The following SORCS1 variants were observed in gnomAD, a reference collection of about 807,000 sequenced individuals.
The protein encoded by SORCS1 is sortilin related VPS10 domain containing receptor 1.
SORCS1 carries 60 observed loss-of-function variants against 146.1 expected under a neutral mutation model. That is an observed-to-expected ratio of 0.41 (90% CI 0.33 to 0.51). The LOEUF (loss-of-function observed/expected upper bound fraction) is 0.51, where lower values mean the gene tolerates loss of function less well. SORCS1 is among the 20% of genes least tolerant of loss of function. The probability of loss-of-function intolerance (pLI) is 0.21; values close to 1 mark genes in which losing one functional copy is unlikely to be tolerated. For synonymous variants in SORCS1, 637 were observed against 584.0 expected, an observed-to-expected ratio of 1.09 and a Z score of -1.31; for missense variants, 1,352 against 1,487.6, an observed-to-expected ratio of 0.91 and a Z score of 1.50.
At chr10:106,975,194 A>G (rs2139265799) in intron 1 of SORCS1, among the ~76,000 whole-genome samples, 1 of 152,366 alleles carries the variant, frequency 6.6e-6, no homozygotes, top group African/African-American at 2.4e-5. Context: ...TTAGAGATCC[A>G]AAATTTCCCA....
chr10:106,897,089 T>A (rs1951518105), intron 2 of SORCS1, among the ~76,000 whole-genome samples: 2 of 151,982 alleles, frequency 1.3e-5, no homozygotes, highest in Non-Finnish European at 2.9e-5. Context: ...GAGACGGGGT[T>A]TCACTGTGGT....
At chr10:107,180,451 G>A in the SORCS1 span, among the ~76,000 whole-genome samples, 1 of 152,096 alleles carries the variant, frequency 6.6e-6, no homozygotes, top group African/African-American at 2.4e-5. Context: ...AATTGCTCCA[G>A]AACTATTAGT....
At chr10:106,684,850 G>A (rs1044868320) in intron 10 of SORCS1, among the ~76,000 whole-genome samples, 6 of 152,124 alleles carry the variant, frequency 3.9e-5, no homozygotes, top group African/African-American at 1.2e-4. Context: ...AACAGTCTTC[G>A]TCTCCTGTAG....
At chr10:106,645,213 G>A (rs947424391) in intron 18 of SORCS1, among the ~76,000 whole-genome samples, 4 of 147,112 alleles carry the variant, frequency 2.7e-5, no homozygotes, top group Admixed American at 1.4e-4. Context: ...TTGTCAACCA[G>A]GCTGGAGTGT....
chr10:106,677,438 C>A (rs1181305925), intron 12 of SORCS1, 34 bp from the exon 13 acceptor site: 1 of 1,562,870 alleles, frequency 6.4e-7, no homozygotes, highest in Non-Finnish European at 8.8e-7. Flanking sequence ...GGACACACAT[C>A]CACATCCACA....
intron 5 of SORCS1, among the ~76,000 whole-genome samples, chr10:106,741,637 T>A (rs572063310): frequency 1.4e-5 from 2 of 147,618 alleles, no homozygotes; most frequent in South Asian, 2.2e-4. Flanking sequence ...AGAGAGAGAG[T>A]GAGAGAGAGA....
chr10:106,591,661 A>G (rs1197278716), intron 24 of SORCS1, among the ~76,000 whole-genome samples: 2 of 152,240 alleles, frequency 1.3e-5, no homozygotes, highest in Non-Finnish European at 2.9e-5. Context: ...TGATATAAAG[A>G]CATGATGAAC....
intron 17 of SORCS1, among the ~76,000 whole-genome samples, chr10:106,655,075 T>G (rs1850180880): frequency 6.6e-6 from 1 of 152,182 alleles, no homozygotes; most frequent in Non-Finnish European, 1.5e-5. Context: ...CAGGCTGGTC[T>G]CAAACTCCTG....
Position 106,576,951 on chromosome 10 carries a change from A to G in SORCS1, c.*469T>C, listed in dbSNP as rs1198718716. The stretch of plus-strand genomic sequence containing the variant: ...TATATGTTATGAATTTTCTACAAAC[A>G]CGACCGATCAGAAAAAAGAGAGAGA... On this transcript the variant is annotated 3_prime_UTR_variant, in exon 26 of 26. Transcript: ENST00000263054. 6 of 250,920 alleles carry G rather than the reference A, an allele frequency of 2.4e-5. No individual in the cohort carries two copies. The highest frequency in any genetic ancestry group is 3.9e-5 in the Non-Finnish European group (5 of 127,728). The allele number at this position is 250,920 out of a possible 1,614,324, so 15.5% of individuals were successfully genotyped here.
At chr10:107,112,018 T>A (rs990789963) in intron 1 of SORCS1, among the ~76,000 whole-genome samples, 3 of 152,160 alleles carry the variant, frequency 2.0e-5, no homozygotes, top group African/African-American at 7.2e-5. Context: ...AAAAGAGTTA[T>A]TTCTGTTTCA....
At chr10:106,899,276 G>A (rs61229428) in intron 2 of SORCS1, among the ~76,000 whole-genome samples, 11,671 of 152,224 alleles carry the variant, frequency 0.077, 1,010 homozygotes, top group African/African-American at 0.2. Flanking sequence ...AACAATATGG[G>A]TTTGGCAAGA....
chr10:106,664,110 C>T (rs1441056458), intron 17 of SORCS1, among the ~76,000 whole-genome samples: 1 of 152,162 alleles, frequency 6.6e-6, no homozygotes, highest in Non-Finnish European at 1.5e-5. Context: ...GTAATACCCA[C>T]AGAAATGAAC....
chr10:107,097,164 T>G (rs960162389), intron 1 of SORCS1, among the ~76,000 whole-genome samples: 1 of 152,188 alleles, frequency 6.6e-6, no homozygotes, highest in Non-Finnish European at 1.5e-5. Flanking sequence ...ATAAAGGAAC[T>G]GAATAAAAAC....
chr10:107,090,975 A>G (rs1475511638), intron 1 of SORCS1, among the ~76,000 whole-genome samples: 1 of 152,206 alleles, frequency 6.6e-6, no homozygotes, highest in African/African-American at 2.4e-5. Context: ...GAAATGAAAG[A>G]AAAGATAGCC....
At chr10:107,061,532 C>A (rs747192386) in intron 1 of SORCS1, among the ~76,000 whole-genome samples, 11 of 152,020 alleles carry the variant, frequency 7.2e-5, no homozygotes, top group Non-Finnish European at 1.3e-4. Flanking sequence ...GAGAAGAAAA[C>A]CCTATAATTA....
chr10:106,695,180 C>A (rs1853603209), intron 9 of SORCS1, among the ~76,000 whole-genome samples: 1 of 152,172 alleles, frequency 6.6e-6, no homozygotes, highest in Non-Finnish European at 1.5e-5. Flanking sequence ...AATACATCCA[C>A]CCGACAAGAC....
chr10:106,991,647 ATC>A (rs1051912716), intron 1 of SORCS1, among the ~76,000 whole-genome samples: 4 of 152,234 alleles, frequency 2.6e-5, no homozygotes, highest in Non-Finnish European at 4.4e-5. Context: ...ACTAATAATT[ATC>A]TGTTTTTGAT....
chr10:106,851,021 A>G (rs1045770642), intron 2 of SORCS1, among the ~76,000 whole-genome samples: 38 of 152,108 alleles, frequency 2.5e-4, no homozygotes, highest in African/African-American at 9.2e-4. Flanking sequence ...GTTCTACCAT[A>G]TCTCCACTGC....
intron 3 of SORCS1, among the ~76,000 whole-genome samples, chr10:106,808,083 C>T (rs551511962): frequency 6.6e-5 from 10 of 152,214 alleles, no homozygotes; most frequent in East Asian, 1.9e-4. Context: ...CGCAATGGCG[C>T]GACCTTGGAT....
Sources: gnomAD v4.1 joint callset for allele counts (sites outside exome capture counted in the v4.1 genomes callset) on GRCh38, gnomAD v4.1.1 for gene constraint, MANE v1.5 for transcripts, NCBI Gene and HGNC (gene_info 2026-07-23, HGNC 2026-07-21) for gene names.